The following TTC3 variants were observed in gnomAD, a reference collection of about 807,000 sequenced individuals.
The protein encoded by TTC3 is E3 ubiquitin-protein ligase TTC3.
TTC3 carries 180 observed loss-of-function variants against 249.6 expected under a neutral mutation model. The observed-to-expected ratio is 0.72, with a 90% CI of 0.64 to 0.82. The LOEUF is 0.82. Among genes scored for constraint, TTC3 ranks in the 40% least tolerant of loss-of-function variants. TTC3 has a pLI of 0.00. For synonymous variants in TTC3, 717 were observed against 805.0 expected, an observed-to-expected ratio of 0.89 and a Z score of 1.85; for missense variants, 2,061 against 2,398.4, an observed-to-expected ratio of 0.86 and a Z score of 2.94.
chr21:37,105,421 G>A (rs1436476574), intron 10 of TTC3, among the ~76,000 whole-genome samples: 2 of 152,176 alleles, frequency 1.3e-5, no homozygotes, highest in South Asian at 2.1e-4. Flanking sequence ...CTCAGTGTGT[G>A]ACTTGGTCCT....
intron 36 of TTC3, among the ~76,000 whole-genome samples, chr21:37,183,760 A>T (rs926082256): frequency 6.6e-6 from 1 of 152,154 alleles, no homozygotes; most frequent in Admixed American, 6.5e-5. Context: ...CAGACTTCTT[A>T]CATGGTAGCT....
intron 38 of TTC3, chr21:37,188,279 T>A (rs1319317343): frequency 2.2e-6 from 1 of 453,578 alleles, no homozygotes; most frequent in African/African-American, 2.0e-5. Flanking sequence ...GCAAAAAGGA[T>A]CATGGAAGGT....
intron 31 of TTC3, among the ~76,000 whole-genome samples, chr21:37,162,415 AG>A (rs11318066): frequency 1 from 152,346 of 152,346 alleles, 76,173 homozygotes; most frequent in Non-Finnish European, 1. Flanking sequence ...AATACTTACT[AG>A]GCATTTTTGC....
At chr21:37,080,033 CTT>C (rs1216154421) in intron 1 of TTC3, among the ~76,000 whole-genome samples, 3 of 151,782 alleles carry the variant, frequency 2.0e-5, no homozygotes, top group Admixed American at 6.6e-5. Flanking sequence ...TCTTTTTTCT[CTT>C]TTATTATTTC....
chr21:37,155,297 A>G (rs9680263), intron 27 of TTC3, among the ~76,000 whole-genome samples: 2 of 151,962 alleles, frequency 1.3e-5, no homozygotes, highest in Non-Finnish European at 2.9e-5. Flanking sequence ...GGAAAGGAGG[A>G]AAGGAGGGAG....
chr21:37,199,001 C>T (rs956809347), intron 44 of TTC3, among the ~76,000 whole-genome samples: 1 of 152,154 alleles, frequency 6.6e-6, no homozygotes, highest in Non-Finnish European at 1.5e-5. Context: ...TTGGAGAGGC[C>T]TTCAATGGCT....
At chr21:37,105,989 A>T (rs1170502746) in intron 10 of TTC3, among the ~76,000 whole-genome samples, 2 of 152,132 alleles carry the variant, frequency 1.3e-5, no homozygotes, top group Non-Finnish European at 2.9e-5. Flanking sequence ...GGGTATGCTT[A>T]TATGCATTTA....
Position 37,168,738 on chromosome 21 carries a change from G to T in TTC3, c.4467+1118G>T, listed in dbSNP as rs1343840806. ...ATAACAAACAACCTCAAAAGCTAGT[G>T]GCTTAAAACAGTAAAATATTTCACA... On this transcript the variant is annotated intron_variant, in intron 34 of 45. Transcript: ENST00000355666. 4.3e-4 allele frequency among the ~76,000 whole-genome samples: 8 copies of T among 18,532 alleles called. No individual in the cohort carries two copies. In the Admixed American group the frequency reaches 6.2e-3, roughly 14 times the overall value. 12.2% of individuals were successfully genotyped at this position (18,532 alleles called of 152,430 possible).
In TTC3 at chr21:37,167,615, C is replaced by T. The variant is rs746580573; in HGVS notation, c.4462C>T (p.Arg1488Ter). Residue 1488 changes from arginine (R) to a stop codon, truncating the protein, a stop_gained, in exon 34 of 46, where the codon CGA (arginine) becomes TGA (stop). Coordinates refer to ENST00000355666, the Ensembl canonical transcript of TTC3. LOFTEE classifies it high-confidence loss of function. Reference sequence around the variant, plus strand: ...TGAGCCATATAATCCTTTTGAGGAACGACAAGTGAGTCAAAATTACATTAA... The same window carrying T: ...TGAGCCATATAATCCTTTTGAGGAATGACAAGTGAGTCAAAATTACATTAA... The T allele has an allele frequency of 2.4e-5, 38 of 1,608,174 alleles. No individual in the cohort carries two copies. Among genetic ancestry groups the T allele is most frequent in the Admixed American group, 8.4e-5 (5 of 59,498 alleles).
chr21:37,156,684 C>A (rs376428095), exon 28 of TTC3: 1 of 1,613,124 alleles, frequency 6.2e-7, no homozygotes. Flanking sequence ...TTTCTTTTCT[C>A]GTTATGGAGC....
At position 37,181,134 on chromosome 21, in the gene TTC3, A is replaced by G. The variant is rs1180951125; in HGVS notation, c.4618-1640A>G. ...TTTAGCATTGTGAGGCAGCTATGGCATTCAGCAGTGGTTAGTACAAACAGA... is the reference window on the plus strand; with the variant it reads ...TTTAGCATTGTGAGGCAGCTATGGCGTTCAGCAGTGGTTAGTACAAACAGA... On this transcript the variant is annotated intron_variant, in intron 35 of 45. Transcript: ENST00000355666. Among the ~76,000 whole-genome samples, 4 of 152,358 alleles carry G rather than the reference A, an allele frequency of 2.6e-5. No homozygotes were observed. In the East Asian group the frequency reaches 7.7e-4, roughly 29 times the overall value.
intron 16 of TTC3, among the ~76,000 whole-genome samples, chr21:37,129,725 G>A (rs1684379546): frequency 6.6e-6 from 1 of 152,058 alleles, no homozygotes; most frequent in African/African-American, 2.4e-5. Context: ...TGAACTCCTA[G>A]ACTCTAGTGA....
rs2147795735 is a variant in TTC3 at position 37,108,385 on chromosome 21, C to T, written c.846-7C>T. The T allele has an allele frequency of 1.2e-6, 2 of 1,603,662 alleles. No individual in the cohort carries two copies. The highest frequency in any genetic ancestry group is 2.2e-5 in the East Asian group (1 of 44,728). On this transcript the variant is annotated splice_region_variant and splice_polypyrimidine_tract_variant and intron_variant, in intron 10 of 45. Coordinates refer to ENST00000355666, the Ensembl canonical transcript of TTC3. ...GAAAATTTTTAAATACTTGTTTTTC[C>T]TTTTAGAAATGCACTCGGTGATGGA...
intron 9 of TTC3, 113 bp downstream of exon 9, chr21:37,095,557 C>A: frequency 1.4e-6 from 1 of 701,688 alleles, no homozygotes; most frequent in Non-Finnish European, 2.3e-6. Context: ...CCAACTTGTG[C>A]AGAATAGATT....
intron 9 of TTC3, 106 bp from the exon 10 acceptor site, chr21:37,096,475 T>C: frequency 1.3e-6 from 1 of 762,634 alleles, no homozygotes; most frequent in Non-Finnish European, 2.2e-6. Flanking sequence ...TTGCCACACA[T>C]ATGTAAAGTT....
intron 7 of TTC3, 53 bp from the exon 8 acceptor site, chr21:37,093,952 G>T (rs554179995): frequency 2.5e-6 from 3 of 1,201,306 alleles, no homozygotes; most frequent in Admixed American, 1.9e-5. Context: ...ATACCAATTT[G>T]TTTTTTTTTA....
At chr21:37,163,954 T>A in intron 31 of TTC3, 97 bp from the exon 32 acceptor site, 2 of 1,383,560 alleles carry the variant, frequency 1.4e-6, no homozygotes, top group African/African-American at 1.5e-5. Flanking sequence ...TATATTGCCA[T>A]TATTGTGTTT....
rs543811464 is a variant in TTC3, at chr21:37,111,351, G to A, written c.900+2905G>A. ...CATATAGGCTCAAAATAAAGGGATG[G>A]AGGAAGATCTACCAAGCAAATGGAA... On this transcript the variant is annotated intron_variant, in intron 11 of 45. Coordinates refer to ENST00000355666, the Ensembl canonical transcript of TTC3. Among the ~76,000 whole-genome samples, 3 of 152,312 alleles carry A rather than the reference G, an allele frequency of 2.0e-5. No individual in the cohort carries two copies. In the South Asian group the frequency reaches 6.2e-4, roughly 32 times the overall value.
intron 21 of TTC3, among the ~76,000 whole-genome samples, chr21:37,146,961 T>C (rs1004531685): frequency 1.3e-5 from 2 of 152,164 alleles, no homozygotes. Flanking sequence ...AAGCCAGCAC[T>C]GGAAGCATGG....
Sources: gnomAD v4.1 joint callset for allele counts (sites outside exome capture counted in the v4.1 genomes callset) on GRCh38, gnomAD v4.1.1 for gene constraint, MANE v1.5 for transcripts, NCBI Gene and HGNC (gene_info 2026-07-23, HGNC 2026-07-21) for gene names.